Variants in TNFRSF8 observed in about 807,000 individuals in gnomAD.
The protein encoded by TNFRSF8 is TNF receptor superfamily member 8, also known as tumor necrosis factor receptor superfamily member 8.
In TNFRSF8, 26 loss-of-function variants were observed where a neutral mutation model predicts 70.8. The observed-to-expected ratio is 0.37, with a 90% CI of 0.27 to 0.51. The LOEUF is 0.51. Among genes scored for constraint, TNFRSF8 ranks in the 20% least tolerant of loss-of-function variants. The pLI is 0.94. For synonymous variants in TNFRSF8, 356 were observed against 339.2 expected (o/e 1.05, Z -0.54); for missense variants, 720 against 807.9 (o/e 0.89, Z 1.32).
chr1:12,080,830 G>C (rs749754860), intron 1 of TNFRSF8, among the ~76,000 whole-genome samples: 2 of 152,186 alleles, frequency 1.3e-5, no homozygotes, highest in African/African-American at 4.8e-5. Context: ...AAAGTGCTGG[G>C]ACTACAGGCG....
chr1:12,124,883 A>AAAACC (rs1641907002), intron 10 of TNFRSF8, among the ~76,000 whole-genome samples: 2 of 131,888 alleles, frequency 1.5e-5, no homozygotes, highest in Admixed American at 7.3e-5. Flanking sequence ...CAAAACAAAC[A>AAAACC]AAACCCCCAA....
chr1:12,140,892 A>C (rs1477966391), intron 14 of TNFRSF8, among the ~76,000 whole-genome samples: 14 of 124,738 alleles, frequency 1.1e-4, no homozygotes, highest in South Asian at 2.5e-4. Flanking sequence ...CTCTCTCACC[A>C]CCCCCGGCCC....
chr1:12,065,438 T>C (rs1366868308), intron 1 of TNFRSF8, among the ~76,000 whole-genome samples: 1 of 152,128 alleles, frequency 6.6e-6, no homozygotes, highest in South Asian at 2.1e-4. Flanking sequence ...AAGGAATATA[T>C]AAATATATTC....
chr1:12,104,281 T>C, intron 3 of TNFRSF8, 98 bp from the exon 4 acceptor site: 1 of 1,369,218 alleles, frequency 7.3e-7, no homozygotes, highest in Non-Finnish European at 1.0e-6. Context: ...GGAGGCTGCG[T>C]TGCGGACTGC....
chr1:12,105,035 C>A (rs1221786053), intron 4 of TNFRSF8, among the ~76,000 whole-genome samples: 1 of 150,820 alleles, frequency 6.6e-6, no homozygotes, highest in Non-Finnish European at 1.5e-5. Context: ...TCTGATAGTA[C>A]AAGGTGTCAG....
intron 2 of TNFRSF8, among the ~76,000 whole-genome samples, chr1:12,095,441 C>T (rs926005402): frequency 1.3e-5 from 2 of 152,080 alleles, no homozygotes; most frequent in Non-Finnish European, 2.9e-5. Context: ...GCGCCTGCCA[C>T]GACACCCAGC....
chr1:12,126,400 G>A (rs1641941793), intron 12 of TNFRSF8, among the ~76,000 whole-genome samples, 164 bp downstream of exon 12: 1 of 152,216 alleles, frequency 6.6e-6, no homozygotes, highest in Non-Finnish European at 1.5e-5. Context: ...CAATGTGGGT[G>A]AAAACTCATG....
In TNFRSF8 at chr1:12,141,330, G is replaced by A. The variant is rs1642250463; in HGVS notation, c.1544-957G>A. ...GCCCACCCTGAGCCAGACACCATCAGCTGGGCGGAGGCCAGGCTTCCCCAC... is the reference window on the plus strand; with the variant it reads ...GCCCACCCTGAGCCAGACACCATCAACTGGGCGGAGGCCAGGCTTCCCCAC... On this transcript the variant is annotated intron_variant, in intron 14 of 14. Transcript: ENST00000263932. The surrounding 1 kb of genome is among the most constrained non-coding windows in gnomAD (Gnocchi z 5.4). Among the ~76,000 whole-genome samples, 2 of 152,108 alleles carry A rather than the reference G, an allele frequency of 1.3e-5. No homozygotes were observed. The highest frequency in any genetic ancestry group is 6.8e-3 in the Middle Eastern group (2 of 294).
At chr1:12,086,466 C>A (rs956968794) in intron 2 of TNFRSF8, among the ~76,000 whole-genome samples, 1 of 147,998 alleles carries the variant, frequency 6.8e-6, no homozygotes, top group Admixed American at 6.8e-5. Flanking sequence ...CATCCAAGTA[C>A]CTGCCCCCCT....
At chr1:12,089,365 G>T (rs1038214306) in intron 2 of TNFRSF8, among the ~76,000 whole-genome samples, 1 of 152,240 alleles carries the variant, frequency 6.6e-6, no homozygotes, top group Non-Finnish European at 1.5e-5. Context: ...ACTCTTCTGT[G>T]ACAGCCAGCC....
At chr1:12,082,855 G>C (rs180971534) in intron 1 of TNFRSF8, among the ~76,000 whole-genome samples, 16 of 152,208 alleles carry the variant, frequency 1.1e-4, no homozygotes, top group Admixed American at 8.5e-4. Context: ...CCTCCAAAAA[G>C]AAAGTGAAAA....
At chr1:12,099,644 A>G (rs1641386527) in intron 3 of TNFRSF8, among the ~76,000 whole-genome samples, 2 of 151,902 alleles carry the variant, frequency 1.3e-5, no homozygotes, top group African/African-American at 4.8e-5. Context: ...TATTGACAGG[A>G]ATACATTCTG....
At chr1:12,080,473 G>C in intron 1 of TNFRSF8, 1 of 522,498 alleles carries the variant, frequency 1.9e-6, no homozygotes, top group South Asian at 1.4e-5. Flanking sequence ...CAGACTCTGT[G>C]GTCAGTGGGA....
chr1:12,133,712 C>T (rs937686934), intron 12 of TNFRSF8, among the ~76,000 whole-genome samples: 9 of 145,090 alleles, frequency 6.2e-5, no homozygotes, highest in Admixed American at 7.1e-5. Context: ...TGCACTTCAC[C>T]CTGGCGACAG....
chr1:12,111,966 T>C lies in TNFRSF8; in HGVS notation c.745T>C (p.Tyr249His). 1 of 1,614,192 alleles carries C rather than the reference T, an allele frequency of 6.2e-7. No individual in the cohort carries two copies. Residue 249 changes from tyrosine (Y) to histidine (H), a missense_variant, in exon 7 of 15, where the codon TAC becomes CAC. Transcript: ENST00000263932. ...DCRKQCEPDYYLDEAGRCTAC... is the reference protein window; with the variant it reads ...DCRKQCEPDYHLDEAGRCTAC... ...CAGAAAGCAGTGTGAGCCCGACTAC[T>C]ACCTGGACGAGGCCGGCCGCTGCAC...
intron 8 of TNFRSF8, among the ~76,000 whole-genome samples, chr1:12,118,910 G>C (rs1641782645): frequency 6.6e-6 from 1 of 152,092 alleles, no homozygotes; most frequent in Admixed American, 6.5e-5. Context: ...TGTCGCCCAG[G>C]CTGGAGTGCA....
chr1:12,103,437 A>G (rs192274676), intron 3 of TNFRSF8, among the ~76,000 whole-genome samples: 9 of 152,162 alleles, frequency 5.9e-5, no homozygotes, highest in African/African-American at 2.2e-4. Context: ...GAGTTCCTAT[A>G]TACCCTCAAC....
chr1:12,132,347 C>T (rs866703115), intron 12 of TNFRSF8, among the ~76,000 whole-genome samples: 10 of 152,384 alleles, frequency 6.6e-5, no homozygotes, highest in African/African-American at 2.2e-4. Flanking sequence ...TCGCCTTAGG[C>T]TACTCTGGCC....
chr1:12,080,621 G>A (rs569749174), intron 1 of TNFRSF8: 9 of 295,248 alleles, frequency 3.0e-5, no homozygotes, highest in Admixed American at 1.7e-4. Context: ...GCAATGGTGC[G>A]TTCTTGGCTC....
Sources: allele counts gnomAD v4.1 joint callset (sites outside exome capture counted in the v4.1 genomes callset), GRCh38; gene constraint gnomAD v4.1.1; non-coding constraint Gnocchi (gnomAD v3.1); transcripts MANE v1.5; gene names NCBI Gene and HGNC (gene_info 2026-07-23, HGNC 2026-07-21).